Variants in IQCM observed in about 807,000 individuals in gnomAD.
IQCM encodes the protein IQ domain-containing protein M.
Under a neutral mutation model 57.6 loss-of-function variants are expected in IQCM, and 45 were observed. The observed-to-expected ratio is 0.78, with a 90% CI of 0.62 to 1.00. The LOEUF (loss-of-function observed/expected upper bound fraction) is 1.00, where lower values mean the gene tolerates loss of function less well. Ranked by LOEUF, IQCM falls within the 50% of genes least tolerant of loss-of-function variation. The pLI, the probability that IQCM is intolerant of heterozygous loss-of-function variation, is 0.00. For missense variants in IQCM, 468 were observed against 511.6 expected (o/e 0.91, Z 0.82); for synonymous variants, 148 against 158.9 (o/e 0.93, Z 0.51).
intron 8 of IQCM, among the ~76,000 whole-genome samples, chr4:149,618,102 A>G (rs541804393): frequency 5.9e-5 from 9 of 152,324 alleles, no homozygotes; most frequent in Admixed American, 2.6e-4. Flanking sequence ...CCTGACTTCA[A>G]ATTATACAAG....
At chr4:149,791,649 G>A (rs1264197845) in intron 2 of IQCM, among the ~76,000 whole-genome samples, 6 of 152,034 alleles carry the variant, frequency 3.9e-5, no homozygotes, top group Admixed American at 3.3e-4. Context: ...TTTTTAGTGT[G>A]CATTCTGCAT....
At chr4:149,386,791 A>T (rs1210632349) in intron 13 of IQCM, among the ~76,000 whole-genome samples, 2 of 151,896 alleles carry the variant, frequency 1.3e-5, no homozygotes, top group Non-Finnish European at 2.9e-5. Flanking sequence ...AATGTCCTAT[A>T]TTATATATGT....
At chr4:149,383,652 A>G (rs1188354666) in intron 13 of IQCM, among the ~76,000 whole-genome samples, 3 of 152,096 alleles carry the variant, frequency 2.0e-5, no homozygotes, top group Admixed American at 6.6e-5. Context: ...CATATTCTCT[A>G]TAGAATATTC....
intron 5 of IQCM, among the ~76,000 whole-genome samples, chr4:149,715,621 C>T (rs2149841030): frequency 6.6e-6 from 1 of 152,272 alleles, no homozygotes; most frequent in South Asian, 2.1e-4. Context: ...ACAGCTCTTT[C>T]AGTCCTGCCA....
intron 12 of IQCM, among the ~76,000 whole-genome samples, chr4:149,470,235 C>T (rs1234786359): frequency 6.6e-6 from 1 of 151,582 alleles, no homozygotes; most frequent in Non-Finnish European, 1.5e-5. Flanking sequence ...ACCCATCTCA[C>T]ATGCAGAGAC....
rs565870417 is a variant in IQCM, at chr4:149,437,307, T to C, written c.1229-3750A>G. Among the ~76,000 whole-genome samples the C allele has an allele frequency of 4.5e-4, 68 of 152,234 alleles. 2 individuals carry two copies. Among genetic ancestry groups the C allele is most frequent in the African/African-American group, 1.5e-3 (63 of 41,572 alleles). ...GCTGGTCAGCCCTCTGAGAGCAGCA[T>C]ATAGCTCTTTCCTGGAGGTTTACTG... is the stretch of plus-strand genomic sequence containing the variant. On this transcript the variant is annotated intron_variant, in intron 12 of 13. Coordinates refer to ENST00000636793, the MANE Select transcript of IQCM (RefSeq NM_001363507.2).
intron 12 of IQCM, among the ~76,000 whole-genome samples, chr4:149,468,597 A>T (rs1382718748): frequency 6.6e-6 from 1 of 151,880 alleles, no homozygotes; most frequent in East Asian, 1.9e-4. Context: ...CAGATTAAAC[A>T]TCCCTGTCTG....
At chr4:149,785,817 T>C (rs546012954) in intron 2 of IQCM, among the ~76,000 whole-genome samples, 3 of 141,836 alleles carry the variant, frequency 2.1e-5, no homozygotes, top group Admixed American at 1.5e-4. Flanking sequence ...CCTTTAAAAA[T>C]GTAAAAAAAA....
chr4:149,694,293 C>T (rs947635850), intron 5 of IQCM, among the ~76,000 whole-genome samples: 1 of 136,258 alleles, frequency 7.3e-6, no homozygotes, highest in East Asian at 2.2e-4. Flanking sequence ...GGCGGGATCT[C>T]GGCTCACTGC....
chr4:149,397,532 A>G lies in IQCM; in HGVS notation c.1390+35864T>C, dbSNP rs1331339648. ...CCCCTTCAGTCTCTCTCTCGCTGCC[A>G]TGTAAGATGTGCCTTGCTTCCCCTT... On this transcript the variant is annotated intron_variant, in intron 13 of 13. Transcript: ENST00000636793. 2.0e-5 allele frequency among the ~76,000 whole-genome samples: 3 copies of G among 152,018 alleles called. No individual in the cohort carries two copies. In the East Asian group the frequency reaches 5.9e-4, roughly 30 times the overall value.
intron 2 of IQCM, among the ~76,000 whole-genome samples, chr4:149,793,156 A>C (rs187765803): frequency 6.6e-6 from 1 of 152,298 alleles, no homozygotes; most frequent in African/African-American, 2.4e-5. Flanking sequence ...ACTGGTTTAA[A>C]AAGTAGATAG....
chr4:149,354,318 C>T (rs1477719203), intron 13 of IQCM, among the ~76,000 whole-genome samples: 1 of 127,912 alleles, frequency 7.8e-6, no homozygotes, highest in African/African-American at 3.0e-5. Flanking sequence ...GAGCCGAGAT[C>T]CCGCCACTGC....
intron 12 of IQCM, among the ~76,000 whole-genome samples, chr4:149,492,627 G>A (rs1742216485): frequency 6.6e-6 from 1 of 152,102 alleles, no homozygotes; most frequent in South Asian, 2.1e-4. Flanking sequence ...CCTACATTCT[G>A]TGTCACTTAG....
intron 13 of IQCM, among the ~76,000 whole-genome samples, chr4:149,415,502 G>T (rs1733685837): frequency 1.3e-5 from 2 of 152,152 alleles, no homozygotes; most frequent in Non-Finnish European, 2.9e-5. Context: ...TCACAAGGAA[G>T]ACAGCAGGAA....
chr4:149,587,976 T>C lies in IQCM; in HGVS notation c.703A>G (p.Lys235Glu), dbSNP rs2150000331. The change falls in exon 9 of 14, where the codon AAA becomes GAA. Residue 235 changes from lysine to glutamate, a missense_variant. Physicochemically the swap from Lys to Glu is moderately conservative, Grantham distance 56. Transcript: ENST00000636793. The stretch of plus-strand genomic sequence containing the variant: ...GGCTTGATAGGTTGTCGCTCCTTTT[T>C]AATAAGGGTTTTAAAGGTTTTCTAT... ...YYSKTFKTLI[K>E]KERQPIKPEP... 8.2e-7 allele frequency: 1 copy of C among 1,225,286 alleles called. No homozygotes were observed. Among genetic ancestry groups the C allele is most frequent in the South Asian group, 4.1e-5 (1 of 24,230 alleles). The allele number at this position is 1,225,286 out of a possible 1,614,324, so 75.9% of individuals were successfully genotyped here. A position where few individuals can be genotyped will look rare whatever the true frequency, so the allele number is the denominator to read the frequency against.
rs1015403582 is a variant in IQCM, at chr4:149,633,196, A to T, written c.566-11952T>A. ...AAAAAAAAAAAAAAAAAAAAAAGCA[A>T]ATATCACACATAAATATAAGAAACA... On this transcript the variant is annotated intron_variant, in intron 7 of 13. Coordinates refer to ENST00000636793, the MANE Select transcript of IQCM (RefSeq NM_001363507.2). Among the ~76,000 whole-genome samples the T allele has an allele frequency of 1.3e-4, 19 of 150,588 alleles. No homozygotes were observed. The South Asian group carries it at 4.0e-3, about 32-fold the overall frequency.
intron 7 of IQCM, among the ~76,000 whole-genome samples, chr4:149,645,188 T>C (rs531995272): frequency 3.9e-4 from 60 of 152,358 alleles, no homozygotes; most frequent in Non-Finnish European, 5.9e-5. Context: ...TGTAGGTTTT[T>C]AAAAATTGTT....
intron 12 of IQCM, among the ~76,000 whole-genome samples, chr4:149,445,015 G>T (rs1736350431): frequency 6.6e-6 from 1 of 151,880 alleles, no homozygotes; most frequent in East Asian, 1.9e-4. Context: ...TAAGAATCAT[G>T]TCTAAAATAA....
In IQCM at chr4:149,456,079, A is replaced by G. The variant is rs540480587; in HGVS notation, c.1229-22522T>C. 6.6e-5 allele frequency among the ~76,000 whole-genome samples: 10 copies of G among 152,260 alleles called. No homozygotes were observed. In the South Asian group the frequency reaches 2.1e-3, roughly 32 times the overall value. On this transcript the variant is annotated intron_variant, in intron 12 of 13. Coordinates refer to ENST00000636793, the MANE Select transcript of IQCM (RefSeq NM_001363507.2). ...TTAAAAAAAAGAGATTAAAAAGAGAAAAGCATACAAATTTACTTAATGTAA... is the reference window on the plus strand; with the variant it reads ...TTAAAAAAAAGAGATTAAAAAGAGAGAAGCATACAAATTTACTTAATGTAA...
Sources: gnomAD v4.1 joint callset for allele counts (sites outside exome capture counted in the v4.1 genomes callset) on GRCh38, gnomAD v4.1.1 for gene constraint, MANE v1.5 for transcripts, NCBI Gene and HGNC (gene_info 2026-07-23, HGNC 2026-07-21) for gene names.